Variants in BAIAP2L1 observed in about 807,000 individuals in gnomAD.
The protein encoded by BAIAP2L1 is BAR/IMD domain-containing adapter protein 2-like 1.
In BAIAP2L1, 35 loss-of-function variants were observed where a neutral mutation model predicts 66.3. That is an observed-to-expected ratio of 0.53 (90% CI 0.40 to 0.70). The LOEUF (loss-of-function observed/expected upper bound fraction) is 0.70, where lower values mean the gene tolerates loss of function less well. Ranked by LOEUF, BAIAP2L1 falls within the 30% of genes least tolerant of loss-of-function variation. BAIAP2L1 has a pLI of 0.00. For missense variants in BAIAP2L1, 622 were observed against 656.9 expected (o/e 0.95, Z 0.58); for synonymous variants, 269 against 248.7 (o/e 1.08, Z -0.77).
intron 3 of BAIAP2L1, among the ~76,000 whole-genome samples, chr7:98,343,893 C>T (rs562469340): frequency 6.6e-6 from 1 of 152,276 alleles, no homozygotes; most frequent in African/African-American, 2.4e-5. Flanking sequence ...TCCAATAAAA[C>T]TTTCCTGGCC....
chr7:98,336,735 G>A (rs1255055720), intron 3 of BAIAP2L1, among the ~76,000 whole-genome samples: 2 of 152,214 alleles, frequency 1.3e-5, no homozygotes, highest in Non-Finnish European at 1.5e-5. Context: ...TTTAAGGGTC[G>A]CCCTTAAGAA....
intron 3 of BAIAP2L1, among the ~76,000 whole-genome samples, chr7:98,338,579 A>G (rs1389575706): frequency 6.6e-6 from 1 of 152,186 alleles, no homozygotes; most frequent in Non-Finnish European, 1.5e-5. Context: ...AAAATCATAC[A>G]ATAAATAGCC....
At chr7:98,326,214 T>C (rs114553894) in intron 3 of BAIAP2L1, among the ~76,000 whole-genome samples, 3,705 of 152,172 alleles carry the variant, frequency 0.024, 151 homozygotes, top group African/African-American at 0.085. Flanking sequence ...GAGGCTGAGG[T>C]TACAGTGAGC....
At chr7:98,370,791 G>A (rs1038529948) in intron 1 of BAIAP2L1, among the ~76,000 whole-genome samples, 1 of 152,082 alleles carries the variant, frequency 6.6e-6, no homozygotes, top group Non-Finnish European at 1.5e-5. Context: ...GTGAGCCACC[G>A]CGCCTGGCCA....
At chr7:98,399,570 A>T (rs1803300748) in intron 1 of BAIAP2L1, among the ~76,000 whole-genome samples, 1 of 152,220 alleles carries the variant, frequency 6.6e-6, no homozygotes, top group Non-Finnish European at 1.5e-5. Context: ...ATTTATTTAT[A>T]ACCTTAAACA....
intron 1 of BAIAP2L1, among the ~76,000 whole-genome samples, chr7:98,364,374 C>T (rs1403483840): frequency 6.6e-6 from 1 of 151,898 alleles, no homozygotes; most frequent in Non-Finnish European, 1.5e-5. Flanking sequence ...GTACAAAACT[C>T]TCAGCTAATC....
chr7:98,315,066 A>G (rs896078024), intron 7 of BAIAP2L1, among the ~76,000 whole-genome samples: 1 of 152,190 alleles, frequency 6.6e-6, no homozygotes, highest in African/African-American at 2.4e-5. Flanking sequence ...AAAATGGCCC[A>G]CTGCTTTATA....
At chr7:98,294,009 T>TC in intron 13 of BAIAP2L1, 65 bp downstream of exon 13, 2 of 1,564,872 alleles carry the variant, frequency 1.3e-6, no homozygotes. Flanking sequence ...CGAAGGCCCT[T>TC]CCGGGGGACA....
At chr7:98,386,075 T>G in intron 1 of BAIAP2L1, 2 of 1,558,254 alleles carry the variant, frequency 1.3e-6, no homozygotes, top group Non-Finnish European at 8.8e-7. Flanking sequence ...TCTCGGGTCA[T>G]GATTTCGATC....
intron 1 of BAIAP2L1, among the ~76,000 whole-genome samples, chr7:98,387,235 G>A (rs987551441): frequency 1.3e-5 from 2 of 152,138 alleles, no homozygotes; most frequent in East Asian, 1.9e-4. Context: ...TAGAACTTGG[G>A]GTTGCTGTCC....
At chr7:98,365,155 G>A (rs958910391) in intron 1 of BAIAP2L1, among the ~76,000 whole-genome samples, 5 of 151,846 alleles carry the variant, frequency 3.3e-5, no homozygotes, top group Admixed American at 2.0e-4. Flanking sequence ...ACCATGGTCT[G>A]TCCCAGCATT....
intron 12 of BAIAP2L1, among the ~76,000 whole-genome samples, chr7:98,303,097 T>C (rs146977288): frequency 6.6e-6 from 1 of 152,332 alleles, no homozygotes; most frequent in East Asian, 1.9e-4. Flanking sequence ...TCAAAGACAT[T>C]TTGAATGAAG....
At chr7:98,319,548 C>CT (rs35466813) in intron 5 of BAIAP2L1, among the ~76,000 whole-genome samples, 52,218 of 138,484 alleles carry the variant, frequency 0.38, 11,143 homozygotes, top group Middle Eastern at 0.53. Context: ...TTTCCTATGC[C>CT]TTTTTTTTTT....
intron 12 of BAIAP2L1, among the ~76,000 whole-genome samples, chr7:98,301,424 T>C (rs548256377): frequency 1.3e-4 from 20 of 151,288 alleles, no homozygotes; most frequent in Non-Finnish European, 1.9e-4. Context: ...AAACCAGAAA[T>C]GAAAGGCTGC....
intron 3 of BAIAP2L1, among the ~76,000 whole-genome samples, chr7:98,339,046 C>T (rs1478710761): frequency 2.7e-5 from 4 of 150,274 alleles, no homozygotes; most frequent in Non-Finnish European, 5.9e-5. Flanking sequence ...GCACTCCAGC[C>T]TGGCCAACAG....
intron 10 of BAIAP2L1, chr7:98,306,961 C>G: frequency 6.0e-6 from 1 of 166,200 alleles, no homozygotes; most frequent in South Asian, 1.5e-4. Context: ...TACATCTGAA[C>G]AATCTGTCTA....
chr7:98,292,771 G>A lies in BAIAP2L1; in HGVS notation c.*750C>T. The A allele has an allele frequency of 6.5e-6, 10 of 1,549,060 alleles. No individual in the cohort carries two copies. The highest frequency in any genetic ancestry group is 8.7e-6 in the Non-Finnish European group (10 of 1,145,388). On this transcript the variant is annotated 3_prime_UTR_variant, in exon 14 of 14. Coordinates refer to ENST00000005260, the MANE Select transcript of BAIAP2L1 (RefSeq NM_018842.5). Reference sequence around the variant, plus strand: ...CAGCTTTGGCCAACTAGCTGAGTGAGAACACAAGGAGCCGTGACTCCGACG... The same window carrying A: ...CAGCTTTGGCCAACTAGCTGAGTGAAAACACAAGGAGCCGTGACTCCGACG...
chr7:98,361,453 C>T (rs988088349), intron 2 of BAIAP2L1, among the ~76,000 whole-genome samples: 18 of 152,032 alleles, frequency 1.2e-4, no homozygotes, highest in Admixed American at 1.1e-3. Context: ...TACATTTCTA[C>T]TTATGTTACT....
Position 98,345,186 on chromosome 7 carries a change from T to C in BAIAP2L1, c.214+9856A>G, listed in dbSNP as rs147827708. Among the ~76,000 whole-genome samples the C allele has an allele frequency of 6.6e-5, 10 of 152,230 alleles. 1 individual carries two copies. The East Asian group carries it at 1.9e-3, about 29-fold the overall frequency. On this transcript the variant is annotated intron_variant, in intron 3 of 13. Coordinates refer to ENST00000005260, the MANE Select transcript of BAIAP2L1 (RefSeq NM_018842.5). ...AATAAAGAGGACAACCAGCCTAACA[T>C]GGAAGAGAACAATAAGAGGACTTGA...
Sources: allele counts gnomAD v4.1 joint callset (sites outside exome capture counted in the v4.1 genomes callset), GRCh38; gene constraint gnomAD v4.1.1; transcripts MANE v1.5; gene names NCBI Gene and HGNC (gene_info 2026-07-23, HGNC 2026-07-21).